The following CWC27 variants were observed in gnomAD, a reference collection of about 807,000 sequenced individuals.
The protein encoded by CWC27 is CWC27 spliceosome associated cyclophilin, also known as spliceosome-associated protein CWC27 homolog.
CWC27 carries 47 observed loss-of-function variants against 63.6 expected under a neutral mutation model. The ratio of observed to expected loss-of-function variants is 0.74; its 90% CI spans 0.58 to 0.94. The LOEUF is 0.94. Ranked by LOEUF, CWC27 falls within the 40% of genes least tolerant of loss-of-function variation. CWC27 has a pLI of 0.00. For synonymous variants in CWC27, 175 were observed against 179.8 expected (o/e 0.97, Z 0.22); for missense variants, 495 against 554.3 (o/e 0.89, Z 1.07).
chr5:64,862,463 A>C (rs1038853522), intron 10 of CWC27, among the ~76,000 whole-genome samples: 43 of 152,312 alleles, frequency 2.8e-4, no homozygotes, highest in African/African-American at 9.9e-4. Flanking sequence ...AAAATACTTC[A>C]ACACAGAAAT....
intron 6 of CWC27, among the ~76,000 whole-genome samples, chr5:64,787,141 C>A (rs1182050410): frequency 1.3e-5 from 2 of 152,132 alleles, no homozygotes; most frequent in South Asian, 4.1e-4. Flanking sequence ...CCACTAGGGT[C>A]CCTCCCATAA....
intron 13 of CWC27, among the ~76,000 whole-genome samples, chr5:65,002,764 C>T (rs1423063055): frequency 1.3e-5 from 2 of 151,974 alleles, no homozygotes; most frequent in Admixed American, 1.3e-4. Context: ...GTATCTTCAG[C>T]TGTTGGATGA....
intron 10 of CWC27, among the ~76,000 whole-genome samples, chr5:64,826,888 G>C (rs552199503): frequency 2.6e-5 from 4 of 152,060 alleles, no homozygotes; most frequent in Admixed American, 6.6e-5. Flanking sequence ...GTGTGTATAT[G>C]TGTGTGGCAA....
intron 10 of CWC27, among the ~76,000 whole-genome samples, chr5:64,875,462 A>C (rs1014459160): frequency 8.5e-5 from 13 of 152,114 alleles, no homozygotes; most frequent in Admixed American, 8.5e-4. Flanking sequence ...ACTTAGACTA[A>C]AATAAGGTAG....
At chr5:64,994,560 G>T (rs1480020567) in intron 13 of CWC27, among the ~76,000 whole-genome samples, 1 of 151,968 alleles carries the variant, frequency 6.6e-6, no homozygotes, top group Non-Finnish European at 1.5e-5. Context: ...ATGAATTTTT[G>T]ACAATTTTAT....
At chr5:64,810,399 A>G (rs1744841317) in intron 10 of CWC27, among the ~76,000 whole-genome samples, 1 of 152,010 alleles carries the variant, frequency 6.6e-6, no homozygotes, top group African/African-American at 2.4e-5. Context: ...GTTCCATACT[A>G]ATTTTAGGAT....
intron 11 of CWC27, among the ~76,000 whole-genome samples, chr5:64,919,295 T>C (rs1316972601): frequency 1.3e-5 from 2 of 152,234 alleles, no homozygotes; most frequent in African/African-American, 4.8e-5. Flanking sequence ...CAGTTTCTTT[T>C]AGTATTAGAC....
At chr5:64,850,564 G>A (rs1746110095) in intron 10 of CWC27, among the ~76,000 whole-genome samples, 1 of 152,058 alleles carries the variant, frequency 6.6e-6, no homozygotes, top group Non-Finnish European at 1.5e-5. Flanking sequence ...AGATAAGTGG[G>A]ATTACATCCA....
At chr5:64,939,120 A>G (rs1032594403) in intron 11 of CWC27, among the ~76,000 whole-genome samples, 1 of 151,832 alleles carries the variant, frequency 6.6e-6, no homozygotes, top group Non-Finnish European at 1.5e-5. Flanking sequence ...AATTCATCAA[A>G]CTCATTCTCC....
At chr5:64,773,081 A>G (rs1743324269) in intron 1 of CWC27, among the ~76,000 whole-genome samples, 1 of 152,200 alleles carries the variant, frequency 6.6e-6, no homozygotes, top group African/African-American at 2.4e-5. Flanking sequence ...AATATAAACA[A>G]GCAAATCATA....
chr5:64,840,798 A>T lies in CWC27; in HGVS notation c.938+36412A>T, dbSNP rs1308970150. On this transcript the variant is annotated intron_variant, in intron 10 of 13. Transcript: ENST00000381070. Reference sequence around the variant, plus strand: ...AAGGCCCTGAGGCTTGAAGTCTGGAAATCAGTTTTGAGGCCGGATCATAAG... The same window carrying T: ...AAGGCCCTGAGGCTTGAAGTCTGGATATCAGTTTTGAGGCCGGATCATAAG... Among the ~76,000 whole-genome samples, 8 of 152,084 alleles carry T rather than the reference A, an allele frequency of 5.3e-5. No individual in the cohort carries two copies. The East Asian group carries it at 1.5e-3, about 29-fold the overall frequency.
intron 10 of CWC27, among the ~76,000 whole-genome samples, chr5:64,850,479 A>C (rs1746108271): frequency 6.6e-6 from 1 of 152,160 alleles, no homozygotes; most frequent in South Asian, 2.1e-4. Flanking sequence ...GACAGAAGAA[A>C]ACATAGGGGG....
At chr5:64,967,053 T>C (rs1468709087) in intron 11 of CWC27, among the ~76,000 whole-genome samples, 2 of 152,080 alleles carry the variant, frequency 1.3e-5, no homozygotes, top group African/African-American at 4.8e-5. Flanking sequence ...TGCTTTTTGC[T>C]CTCCATTCTA....
At chr5:65,003,248 G>A (rs1309536) in intron 13 of CWC27, among the ~76,000 whole-genome samples, 112,894 of 152,164 alleles carry the variant, frequency 0.74, 42,651 homozygotes, top group African/African-American at 0.88. Context: ...GTCTGGCTTT[G>A]CCTTTTAAGC....
At chr5:64,865,768 AAAG>A (rs1410790398) in intron 10 of CWC27, among the ~76,000 whole-genome samples, 1 of 152,100 alleles carries the variant, frequency 6.6e-6, no homozygotes, top group Non-Finnish European at 1.5e-5. Context: ...ACAAATGAGC[AAAG>A]AAGAGTCACG....
intron 12 of CWC27, 149 bp from the exon 13 acceptor site, chr5:64,976,986 C>A: frequency 2.3e-6 from 1 of 442,084 alleles, no homozygotes; most frequent in Non-Finnish European, 4.1e-6. Flanking sequence ...ATTATTGCAG[C>A]CTAAAGGTAG....
chr5:64,832,272 A>T (rs78357643), intron 10 of CWC27, among the ~76,000 whole-genome samples: 1 of 143,486 alleles, frequency 7.0e-6, no homozygotes, highest in African/African-American at 2.6e-5. Context: ...TATCCAAAAA[A>T]TCACATTTGT....
At chr5:64,856,732 A>G (rs1746268282) in intron 10 of CWC27, among the ~76,000 whole-genome samples, 1 of 152,080 alleles carries the variant, frequency 6.6e-6, no homozygotes, top group African/African-American at 2.4e-5. Context: ...AGTTAAAGGT[A>G]AGCATTTGGA....
intron 10 of CWC27, among the ~76,000 whole-genome samples, chr5:64,871,999 C>T (rs1746686640): frequency 6.6e-6 from 1 of 152,084 alleles, no homozygotes. Context: ...ACAATAGTAT[C>T]ATCATCAACA....
Sources: allele counts gnomAD v4.1 joint callset (sites outside exome capture counted in the v4.1 genomes callset), GRCh38; gene constraint gnomAD v4.1.1; transcripts MANE v1.5; gene names NCBI Gene and HGNC (gene_info 2026-07-23, HGNC 2026-07-21).